Variants in MACROD2 observed in about 807,000 individuals in gnomAD.
MACROD2 encodes ADP-ribose glycohydrolase MACROD2.
In MACROD2, 36 loss-of-function variants were observed where a neutral mutation model predicts 70.4. The ratio of observed to expected loss-of-function variants is 0.51; its 90% CI spans 0.39 to 0.68. The LOEUF is 0.68. Among genes scored for constraint, MACROD2 ranks in the 30% least tolerant of loss-of-function variants. The pLI is 0.00. For missense variants in MACROD2, 496 were observed against 538.4 expected, an observed-to-expected ratio of 0.92 and a Z score of 0.78; for synonymous variants, 172 against 178.8, an observed-to-expected ratio of 0.96 and a Z score of 0.30.
intron 8 of MACROD2, among the ~76,000 whole-genome samples, chr20:15,736,515 C>T (rs1276108388): frequency 6.6e-6 from 1 of 151,650 alleles, no homozygotes; most frequent in African/African-American, 2.4e-5. Flanking sequence ...AGTAGGACTA[C>T]ACATGTCACT....
At chr20:14,619,591 G>A (rs557736835) in intron 4 of MACROD2, among the ~76,000 whole-genome samples, 1 of 151,868 alleles carries the variant, frequency 6.6e-6, no homozygotes, top group South Asian at 2.1e-4. Context: ...AAAAAAAGGA[G>A]TATAGAGATA....
At chr20:14,442,013 T>C (rs1271459312) in intron 3 of MACROD2, among the ~76,000 whole-genome samples, 2 of 152,116 alleles carry the variant, frequency 1.3e-5, no homozygotes, top group Non-Finnish European at 2.9e-5. Context: ...CTCATGCTTG[T>C]AATTCCAGCA....
At chr20:14,813,072 T>A (rs1421002826) in intron 5 of MACROD2, among the ~76,000 whole-genome samples, 1 of 152,124 alleles carries the variant, frequency 6.6e-6, no homozygotes, top group Admixed American at 6.6e-5. Context: ...TTTTTGTTTT[T>A]TTTTACAGAG....
rs1354804739 is a variant in MACROD2 at position 14,363,846 on chromosome 20, A to AG, written c.272-129633_272-129632insG. On this transcript the variant is annotated intron_variant, in intron 3 of 17. Transcript: ENST00000684519. ...AAAAAAAAAAAAAAAAAAAAAAAAA[A>AG]AAATAAGATTATAAGATTAGGACCA... Among the ~76,000 whole-genome samples the AG allele has an allele frequency of 2.4e-5, 3 of 123,676 alleles. No individual in the cohort carries two copies. The South Asian group carries it at 7.3e-4, about 30-fold the overall frequency. 81.1% of individuals were successfully genotyped at this position (123,676 alleles called of 152,430 possible).
intron 9 of MACROD2, among the ~76,000 whole-genome samples, chr20:15,865,645 T>C (rs1375004216): frequency 1.3e-5 from 2 of 152,018 alleles, no homozygotes; most frequent in Non-Finnish European, 2.9e-5. Flanking sequence ...TGGGGGAAAA[T>C]TGGGTTCAGA....
At chr20:14,002,965 G>T (rs2052754663) in intron 2 of MACROD2, among the ~76,000 whole-genome samples, 1 of 152,140 alleles carries the variant, frequency 6.6e-6, no homozygotes, top group South Asian at 2.1e-4. Flanking sequence ...GAATATAAAG[G>T]AAGTTTTAAG....
At chr20:15,932,958 G>A (rs894290961) in intron 10 of MACROD2, among the ~76,000 whole-genome samples, 3 of 152,254 alleles carry the variant, frequency 2.0e-5, no homozygotes, top group African/African-American at 7.2e-5. Context: ...GGAGAAAAGT[G>A]GACTGGAGTT....
intron 6 of MACROD2, among the ~76,000 whole-genome samples, chr20:15,314,101 G>T (rs2077783113): frequency 6.6e-6 from 1 of 152,110 alleles, no homozygotes. Flanking sequence ...TTTACCCAGT[G>T]TCCTGTTGAA....
At chr20:14,389,381 C>G (rs2083503011) in intron 3 of MACROD2, among the ~76,000 whole-genome samples, 1 of 139,344 alleles carries the variant, frequency 7.2e-6, no homozygotes, top group Non-Finnish European at 1.5e-5. Context: ...GAGATTGCGC[C>G]ACTGCACTCT....
chr20:14,764,708 T>A (rs1254489588), intron 5 of MACROD2, among the ~76,000 whole-genome samples: 6 of 152,238 alleles, frequency 3.9e-5, no homozygotes, highest in African/African-American at 1.4e-4. Flanking sequence ...TGGCCTCAAG[T>A]ACTGCTGAGC....
At chr20:15,292,588 G>T (rs1392084045) in intron 6 of MACROD2, among the ~76,000 whole-genome samples, 3 of 152,152 alleles carry the variant, frequency 2.0e-5, no homozygotes, top group Non-Finnish European at 4.4e-5. Context: ...CATAATAAAA[G>T]AAACGTGGCT....
intron 6 of MACROD2, among the ~76,000 whole-genome samples, chr20:15,245,417 A>G (rs1371900570): frequency 6.6e-6 from 1 of 152,344 alleles, no homozygotes; most frequent in East Asian, 1.9e-4. Flanking sequence ...AATCTCAGGA[A>G]CTAATTATGA....
chr20:15,614,069 TTG>T (rs1276690844), intron 8 of MACROD2, among the ~76,000 whole-genome samples: 1 of 152,218 alleles, frequency 6.6e-6, no homozygotes, highest in Non-Finnish European at 1.5e-5. Context: ...TGCTTTTCAG[TTG>T]TCCGCAGGAA....
chr20:15,232,940 A>C (rs1029187398), intron 6 of MACROD2, among the ~76,000 whole-genome samples: 6 of 152,122 alleles, frequency 3.9e-5, no homozygotes, highest in African/African-American at 1.4e-4. Context: ...TATTTAATAA[A>C]TATGAATAAG....
At chr20:14,672,624 G>GAAT (rs1207645001) in intron 4 of MACROD2, among the ~76,000 whole-genome samples, 2 of 152,172 alleles carry the variant, frequency 1.3e-5, no homozygotes, top group African/African-American at 4.8e-5. Context: ...GCTAAGCACT[G>GAAT]TACATGTTAT....
intron 6 of MACROD2, among the ~76,000 whole-genome samples, chr20:15,254,598 T>C (rs1397776017): frequency 6.6e-6 from 1 of 152,174 alleles, no homozygotes; most frequent in Non-Finnish European, 1.5e-5. Context: ...ATTGAACTAA[T>C]TTGACATTAA....
At chr20:15,734,621 A>G (rs1320626146) in intron 8 of MACROD2, among the ~76,000 whole-genome samples, 2 of 152,220 alleles carry the variant, frequency 1.3e-5, no homozygotes, top group Non-Finnish European at 2.9e-5. Flanking sequence ...AACTAGAGTG[A>G]ATAAATAGGA....
intron 5 of MACROD2, among the ~76,000 whole-genome samples, chr20:14,900,337 G>A (rs778105655): frequency 5.3e-5 from 8 of 151,974 alleles, no homozygotes; most frequent in South Asian, 2.1e-4. Flanking sequence ...GAATGAGCTC[G>A]GAAGTGTTTC....
intron 3 of MACROD2, among the ~76,000 whole-genome samples, chr20:14,420,582 C>A (rs1000444961): frequency 2.0e-5 from 3 of 152,006 alleles, no homozygotes; most frequent in African/African-American, 7.3e-5. Flanking sequence ...TTTTTCATTG[C>A]CATTATTGAG....
Sources: gnomAD v4.1 joint callset for allele counts (sites outside exome capture counted in the v4.1 genomes callset) on GRCh38, gnomAD v4.1.1 for gene constraint, MANE v1.5 for transcripts, NCBI Gene and HGNC (gene_info 2026-07-23, HGNC 2026-07-21) for gene names.